The following NDST4 variants were observed in gnomAD, a reference collection of about 807,000 sequenced individuals.
The protein encoded by NDST4 is N-deacetylase and N-sulfotransferase 4.
NDST4 carries 63 observed loss-of-function variants against 100.8 expected under a neutral mutation model. The ratio of observed to expected loss-of-function variants is 0.62; its 90% CI spans 0.51 to 0.77. The LOEUF (loss-of-function observed/expected upper bound fraction) is 0.77, where lower values mean the gene tolerates loss of function less well. NDST4 is among the 30% of genes least tolerant of loss of function. The pLI is 0.00. For synonymous variants in NDST4, 377 were observed against 361.8 expected (o/e 1.04, Z -0.48); for missense variants, 943 against 1,018.4 (o/e 0.93, Z 1.01).
intron 7 of NDST4, among the ~76,000 whole-genome samples, chr4:114,856,489 T>A (rs1479021797): frequency 1.3e-5 from 2 of 152,222 alleles, no homozygotes; most frequent in Non-Finnish European, 2.9e-5. Flanking sequence ...ATAACACTTG[T>A]CAAGTGAGTT....
At chr4:115,048,097 A>ATTTT (rs34190385) in intron 2 of NDST4, among the ~76,000 whole-genome samples, 171 of 146,966 alleles carry the variant, frequency 1.2e-3, no homozygotes, top group African/African-American at 4.1e-3. Context: ...GAAGTTTATA[A>ATTTT]TTTTTTTTTT....
chr4:115,044,619 A>G (rs1307674657), intron 2 of NDST4, among the ~76,000 whole-genome samples: 2 of 152,016 alleles, frequency 1.3e-5, no homozygotes, highest in African/African-American at 4.8e-5. Flanking sequence ...ACTCCTATGT[A>G]TTTTGATAGA....
intron 2 of NDST4, among the ~76,000 whole-genome samples, chr4:115,011,544 C>T (rs1030245195): frequency 2.6e-5 from 4 of 151,702 alleles, no homozygotes; most frequent in Middle Eastern, 3.4e-3. Flanking sequence ...TCTTGTAAGA[C>T]CTATCATTGT....
chr4:114,934,308 T>TAAAAAAG (rs1725577897), intron 6 of NDST4, among the ~76,000 whole-genome samples: 1 of 152,062 alleles, frequency 6.6e-6, no homozygotes, highest in African/African-American at 2.4e-5. Context: ...AGTTGAACTC[T>TAAAAAAG]TGGGAGGCCG....
chr4:114,850,504 T>C (rs1309997629), intron 8 of NDST4, among the ~76,000 whole-genome samples: 3 of 152,174 alleles, frequency 2.0e-5, no homozygotes, highest in Admixed American at 6.5e-5. Context: ...TTAAAAATTA[T>C]CACCTAAATT....
chr4:114,829,937 T>A (rs1191898094), intron 12 of NDST4, 45 bp from the exon 13 acceptor site: 1 of 1,377,606 alleles, frequency 7.3e-7, no homozygotes, highest in Non-Finnish European at 1.0e-6. Context: ...ATGCAGAATT[T>A]TCAGTGAGAC....
chr4:115,058,806 C>A (rs1364720259), intron 2 of NDST4, among the ~76,000 whole-genome samples: 1 of 152,002 alleles, frequency 6.6e-6, no homozygotes, highest in Non-Finnish European at 1.5e-5. Context: ...TCCACAGGAG[C>A]TCCAAACTTT....
chr4:115,046,863 A>G (rs562815677), intron 2 of NDST4, among the ~76,000 whole-genome samples: 9 of 152,304 alleles, frequency 5.9e-5, no homozygotes, highest in African/African-American at 2.2e-4. Flanking sequence ...AGAGCAAATC[A>G]AAGAGAAAAT....
chr4:114,989,270 T>G (rs2119664), intron 2 of NDST4, among the ~76,000 whole-genome samples: 6 of 152,000 alleles, frequency 3.9e-5, no homozygotes, highest in Non-Finnish European at 5.9e-5. Context: ...ACAGAAACAG[T>G]ATAATTATTT....
At chr4:114,952,940 CAT>C (rs1317651731) in intron 4 of NDST4, among the ~76,000 whole-genome samples, 3 of 151,766 alleles carry the variant, frequency 2.0e-5, no homozygotes, top group Non-Finnish European at 4.4e-5. Flanking sequence ...GTCATTCATT[CAT>C]ATGTTACTTT....
At chr4:115,084,006 T>A (rs563857) in intron 1 of NDST4, among the ~76,000 whole-genome samples, 23,965 of 152,094 alleles carry the variant, frequency 0.16, 2,300 homozygotes, top group East Asian at 0.46. Context: ...TGGAACTGGG[T>A]AACAGGCAGA....
At chr4:114,833,575 G>T in intron 12 of NDST4, 31 bp downstream of exon 12, 1 of 1,383,842 alleles carries the variant, frequency 7.2e-7, no homozygotes, top group Non-Finnish European at 1.0e-6. Flanking sequence ...GCAAATAATG[G>T]AAATGAAATC....
At chr4:115,003,672 C>A (rs151057728) in intron 2 of NDST4, among the ~76,000 whole-genome samples, 2,101 of 152,012 alleles carry the variant, frequency 0.014, 41 homozygotes, top group African/African-American at 0.047. Flanking sequence ...TTGAGGCCAG[C>A]CTGACCAATA....
At chr4:115,043,972 C>A (rs1425050721) in intron 2 of NDST4, among the ~76,000 whole-genome samples, 1 of 152,024 alleles carries the variant, frequency 6.6e-6, no homozygotes, top group African/African-American at 2.4e-5. Context: ...AATAAACATG[C>A]GTTTTAGATG....
intron 1 of NDST4, among the ~76,000 whole-genome samples, chr4:115,089,022 C>T (rs1729461320): frequency 6.6e-6 from 1 of 152,026 alleles, no homozygotes; most frequent in South Asian, 2.1e-4. Flanking sequence ...ATTGAATCTT[C>T]TGCATTTTGT....
chr4:114,918,090 G>T (rs183494610), intron 6 of NDST4, among the ~76,000 whole-genome samples: 1 of 152,122 alleles, frequency 6.6e-6, no homozygotes, highest in East Asian at 1.9e-4. Flanking sequence ...TGATTACAAG[G>T]TATCTTTTCC....
At chr4:114,843,441 GTTCTAC>G (rs1414768564) in intron 10 of NDST4, among the ~76,000 whole-genome samples, 2 of 152,200 alleles carry the variant, frequency 1.3e-5, no homozygotes, top group South Asian at 4.1e-4. Context: ...TGTTTTCTCA[GTTCTAC>G]TTCTACTTCT....
At chr4:114,879,606 T>C (rs572814494) in intron 6 of NDST4, among the ~76,000 whole-genome samples, 1 of 152,306 alleles carries the variant, frequency 6.6e-6, no homozygotes, top group East Asian at 1.9e-4. Flanking sequence ...ATACAGGGAC[T>C]CTGGTGCTGT....
At chr4:114,929,069 C>T (rs545003443) in intron 6 of NDST4, among the ~76,000 whole-genome samples, 22 of 111,198 alleles carry the variant, frequency 2.0e-4, no homozygotes, top group African/African-American at 5.6e-4. Context: ...TCCGTCCGTC[C>T]GTCCGTCCAT....
Sources: gnomAD v4.1 joint callset for allele counts (sites outside exome capture counted in the v4.1 genomes callset) on GRCh38, gnomAD v4.1.1 for gene constraint, MANE v1.5 for transcripts, NCBI Gene and HGNC (gene_info 2026-07-23, HGNC 2026-07-21) for gene names.